The following BCAR3 variants were observed in gnomAD, a reference collection of about 807,000 sequenced individuals.
The protein encoded by BCAR3 is breast cancer anti-estrogen resistance protein 3.
BCAR3 carries 37 observed loss-of-function variants against 80.1 expected under a neutral mutation model. The observed-to-expected ratio is 0.46, with a 90% CI of 0.36 to 0.61. The LOEUF is 0.61. Among genes scored for constraint, BCAR3 ranks in the 20% least tolerant of loss-of-function variants. The pLI, the probability that BCAR3 is intolerant of heterozygous loss-of-function variation, is 0.00. For synonymous variants in BCAR3, 389 were observed against 418.9 expected, an observed-to-expected ratio of 0.93 and a Z score of 0.87; for missense variants, 978 against 1,068.2, an observed-to-expected ratio of 0.92 and a Z score of 1.18.
Position 93,582,949 on chromosome 1 carries a change from G to C in BCAR3, c.1038C>G (p.Cys346Trp), listed in dbSNP as rs1002786487. 1 of 1,585,878 alleles carries C rather than the reference G, an allele frequency of 6.3e-7. No individual in the cohort carries two copies. The highest frequency in any genetic ancestry group is 1.3e-5 in the African/African-American group (1 of 74,604). ...HQSESYLPIG[C>W]KLPPQSSGVD... Reference sequence around the variant, plus strand: ...CACCCGAGGACTGAGGTGGCAGCTTGCAGCCTGTGGGGGATAAGAAAAGGT... The same window carrying C: ...CACCCGAGGACTGAGGTGGCAGCTTCCAGCCTGTGGGGGATAAGAAAAGGT... The change falls in exon 7 of 12, where the codon TGC becomes TGG. Residue 346 changes from cysteine (C) to tryptophan (W), a missense_variant. Coordinates refer to ENST00000260502, the MANE Select transcript of BCAR3 (RefSeq NM_003567.4).
intron 3 of BCAR3, among the ~76,000 whole-genome samples, chr1:93,630,441 T>C (rs926429752): frequency 6.7e-6 from 1 of 150,308 alleles, no homozygotes; most frequent in Non-Finnish European, 1.5e-5. Flanking sequence ...CTGGCCAACA[T>C]GATGGTGAAA....
At chr1:93,610,113 C>T (rs1674905562) in intron 3 of BCAR3, among the ~76,000 whole-genome samples, 1 of 152,238 alleles carries the variant, frequency 6.6e-6, no homozygotes, top group African/African-American at 2.4e-5. Flanking sequence ...ACCGACACAT[C>T]CGAGGTACCA....
At position 93,718,951 on chromosome 1, in the gene BCAR3, C is replaced by T. The variant is rs576794376; in HGVS notation, c.-62-12809G>A. On this transcript the variant is annotated intron_variant, in intron 2 of 13. Coordinates refer to the BCAR3 transcript ENST00000370244. ...TACTGAACTCAAGCAATCCGCCCGC[C>T]TCGGCCTCCCAAAGTGTTAGGATTA... Among the ~76,000 whole-genome samples, 16 of 151,992 alleles carry T rather than the reference C, an allele frequency of 1.1e-4. No individual in the cohort carries two copies. In the South Asian group the frequency reaches 3.1e-3, roughly 30 times the overall value.
rs187718156 is a variant in BCAR3, at chr1:93,614,639, A to G, written c.358-22246T>C. ...GTTGGCACAGCCATCACTACTGGCAAAGCAATATTGCCTTTTGGTGTTTAA... is the reference window on the plus strand; with the variant it reads ...GTTGGCACAGCCATCACTACTGGCAGAGCAATATTGCCTTTTGGTGTTTAA... On this transcript the variant is annotated intron_variant, in intron 3 of 11. Transcript: ENST00000260502. 8.1e-4 allele frequency among the ~76,000 whole-genome samples: 123 copies of G among 152,290 alleles called. 1 individual carries two copies. The highest frequency in any genetic ancestry group is 2.8e-3 in the African/African-American group (118 of 41,560).
intron 3 of BCAR3, among the ~76,000 whole-genome samples, chr1:93,595,417 C>T (rs751542198): frequency 1.3e-5 from 2 of 152,164 alleles, no homozygotes; most frequent in Non-Finnish European, 2.9e-5. Context: ...AGGGCTGGCT[C>T]GAATACACTG....
chr1:93,762,260 C>T (rs1306625504), intron 2 of BCAR3, among the ~76,000 whole-genome samples: 2 of 151,880 alleles, frequency 1.3e-5, no homozygotes, highest in Admixed American at 6.6e-5. Context: ...GAGATCTTTC[C>T]ACCTCCTTTG....
chr1:93,704,895 T>C (rs1206204511), intron 3 of BCAR3, among the ~76,000 whole-genome samples: 6 of 152,214 alleles, frequency 3.9e-5, no homozygotes, highest in Non-Finnish European at 8.8e-5. Context: ...AGGTTTTGTC[T>C]TTTTCCTAAG....
Position 93,608,605 on chromosome 1 carries a change from G to A in BCAR3, c.358-16212C>T, listed in dbSNP as rs115759835. Among the ~76,000 whole-genome samples the A allele has an allele frequency of 3.8e-3, 580 of 152,210 alleles. 4 individuals carry two copies. Among genetic ancestry groups the A allele is most frequent in the African/African-American group, 0.013 (543 of 41,532 alleles). On this transcript the variant is annotated intron_variant, in intron 3 of 11. Transcript: ENST00000260502. ...AGAATTTTCCCAAGATCCCAATCCC[G>A]TCTCTGCTTCCCACTTAGGTCTCTC...
chr1:93,772,083 C>T (rs563465048), intron 2 of BCAR3, among the ~76,000 whole-genome samples: 1 of 152,244 alleles, frequency 6.6e-6, no homozygotes, highest in African/African-American at 2.4e-5. Flanking sequence ...TTGTTCTAGC[C>T]TCATCAGAGG....
intron 2 of BCAR3, among the ~76,000 whole-genome samples, chr1:93,735,988 T>C (rs980012168): frequency 3.3e-5 from 5 of 152,026 alleles, no homozygotes; most frequent in African/African-American, 1.2e-4. Flanking sequence ...TGCAAAACAA[T>C]CCAGCCAGAC....
chr1:93,843,220 T>C (rs1205959050), intron 2 of BCAR3, among the ~76,000 whole-genome samples: 1 of 152,224 alleles, frequency 6.6e-6, no homozygotes, highest in African/African-American at 2.4e-5. Flanking sequence ...CTAAGTGTTC[T>C]GTTCGGTAAC....
At chr1:93,643,430 C>A (rs1405551551) in intron 2 of BCAR3, among the ~76,000 whole-genome samples, 5 of 149,644 alleles carry the variant, frequency 3.3e-5, no homozygotes, top group African/African-American at 1.2e-4. Context: ...CTTGTAGTCC[C>A]AGCTACTTGG....
At chr1:93,758,110 C>A (rs1402626706) in intron 2 of BCAR3, among the ~76,000 whole-genome samples, 1 of 152,196 alleles carries the variant, frequency 6.6e-6, no homozygotes, top group Non-Finnish European at 1.5e-5. Context: ...CTGAAGGCAA[C>A]TCCCAGGGAA....
In BCAR3 at chr1:93,582,841, G is replaced by C. The variant is rs1437009544; in HGVS notation, c.1146C>G (p.Val382=). 1.9e-6 allele frequency: 3 copies of C among 1,613,252 alleles called. No individual in the cohort carries two copies. The highest frequency in any genetic ancestry group is 2.5e-6 in the Non-Finnish European group (3 of 1,179,928). ...CCTCCCCAGCCCTGGCGTCTGAGGA[G>C]ACCCTCCGAACCACTGCTGGGCTCA... ...PALSPAVVRR[V]SSDARAGEAL... is the part of the protein sequence containing the mutation. Residue 382 remains valine, a synonymous_variant, in exon 7 of 12, where the codon GTC becomes GTG. Transcript: ENST00000260502.
At chr1:93,719,782 T>C (rs1158941995) in intron 2 of BCAR3, among the ~76,000 whole-genome samples, 3 of 152,214 alleles carry the variant, frequency 2.0e-5, no homozygotes, top group Non-Finnish European at 2.9e-5. Context: ...ATGATGTTCA[T>C]GTTTACGGCA....
At chr1:93,719,767 G>A (rs1029015347) in intron 2 of BCAR3, among the ~76,000 whole-genome samples, 2 of 152,170 alleles carry the variant, frequency 1.3e-5, no homozygotes, top group Admixed American at 1.3e-4. Flanking sequence ...ATCAGCAAGT[G>A]TTTCATGATG....
chr1:93,826,815 T>C (rs1190445672), intron 2 of BCAR3, among the ~76,000 whole-genome samples: 4 of 151,990 alleles, frequency 2.6e-5, no homozygotes, highest in Admixed American at 6.6e-5. Flanking sequence ...TGTGCGTGCA[T>C]GTGTGCATGC....
intron 2 of BCAR3, among the ~76,000 whole-genome samples, chr1:93,649,745 A>G (rs1279680596): frequency 6.6e-6 from 1 of 151,884 alleles, no homozygotes; most frequent in Non-Finnish European, 1.5e-5. Flanking sequence ...AACGAATGCT[A>G]TAATTAAATC....
chr1:93,661,728 A>G (rs1221198666), intron 2 of BCAR3, among the ~76,000 whole-genome samples: 3 of 152,172 alleles, frequency 2.0e-5, no homozygotes, highest in Non-Finnish European at 2.9e-5. Flanking sequence ...ACCTCAGGTG[A>G]TCCACCCACC....
Sources: gnomAD v4.1 joint callset for allele counts (sites outside exome capture counted in the v4.1 genomes callset) on GRCh38, gnomAD v4.1.1 for gene constraint, MANE v1.5 for transcripts, NCBI Gene and HGNC (gene_info 2026-07-23, HGNC 2026-07-21) for gene names.